The following ARMC9 variants were observed in gnomAD, a reference collection of about 807,000 sequenced individuals.
ARMC9 encodes the protein armadillo repeat containing 9, also known as lisH domain-containing protein ARMC9.
In ARMC9, 94 loss-of-function variants were observed where a neutral mutation model predicts 107.0. The observed-to-expected ratio is 0.88, with a 90% CI of 0.74 to 1.04. The LOEUF is 1.04. Ranked by LOEUF, ARMC9 falls within the 50% of genes least tolerant of loss-of-function variation. The probability of loss-of-function intolerance (pLI) is 0.00; values close to 1 mark genes in which losing one functional copy is unlikely to be tolerated. For synonymous variants in ARMC9, 380 were observed against 396.9 expected (o/e 0.96, Z 0.51); for missense variants, 942 against 1,030.1 (o/e 0.91, Z 1.17).
chr2:231,293,079 G>T (rs1361677763), intron 18 of ARMC9, among the ~76,000 whole-genome samples: 1 of 152,160 alleles, frequency 6.6e-6, no homozygotes, highest in Non-Finnish European at 1.5e-5. Context: ...CAGCCAGGGA[G>T]CTTTGAAACC....
chr2:231,228,918 TCTG>T (rs1338922236), intron 7 of ARMC9, among the ~76,000 whole-genome samples: 5 of 152,132 alleles, frequency 3.3e-5, no homozygotes, highest in African/African-American at 1.2e-4. Context: ...ATAGCTTTCT[TCTG>T]GGAGCATTAT....
intron 9 of ARMC9, among the ~76,000 whole-genome samples, chr2:231,249,678 C>T (rs545792106): frequency 2.0e-5 from 3 of 152,276 alleles, no homozygotes; most frequent in East Asian, 1.9e-4. Flanking sequence ...GAGCCTGGCA[C>T]GGGGCAAGTG....
At chr2:231,305,499 T>G (rs1231105659) in intron 19 of ARMC9, among the ~76,000 whole-genome samples, 1 of 152,262 alleles carries the variant, frequency 6.6e-6, no homozygotes, top group East Asian at 1.9e-4. Flanking sequence ...GGCGTAGTTC[T>G]GCAGATGAGA....
At chr2:231,236,919 G>A (rs572647962) in intron 8 of ARMC9, among the ~76,000 whole-genome samples, 1 of 152,188 alleles carries the variant, frequency 6.6e-6, no homozygotes, top group East Asian at 1.9e-4. Context: ...CTGGGCAACA[G>A]CGTGAAACTG....
At chr2:231,274,145 TCTCA>T (rs1359247912) in intron 14 of ARMC9, among the ~76,000 whole-genome samples, 5 of 152,050 alleles carry the variant, frequency 3.3e-5, no homozygotes, top group African/African-American at 1.2e-4. Context: ...TGAGATGGAG[TCTCA>T]CTCTGTCACC....
At chr2:231,202,886 G>A (rs1395946242) in intron 1 of ARMC9, among the ~76,000 whole-genome samples, 1 of 152,114 alleles carries the variant, frequency 6.6e-6, no homozygotes, top group Admixed American at 6.5e-5. Context: ...GGTGCACTAA[G>A]GGAAGCTAAA....
At chr2:231,272,648 TG>T (rs1235677759) in intron 13 of ARMC9, among the ~76,000 whole-genome samples, 2 of 152,004 alleles carry the variant, frequency 1.3e-5, no homozygotes, top group Middle Eastern at 3.2e-3. Context: ...CCCGAGTAGC[TG>T]GGATTACAGG....
At chr2:231,336,368 A>G (rs1205398290) in intron 20 of ARMC9, among the ~76,000 whole-genome samples, 2 of 152,070 alleles carry the variant, frequency 1.3e-5, no homozygotes, top group Non-Finnish European at 2.9e-5. Flanking sequence ...ATCTTCCACT[A>G]GTATCTGCAT....
intron 19 of ARMC9, among the ~76,000 whole-genome samples, chr2:231,309,284 T>TA (rs988356794): frequency 2.0e-5 from 3 of 152,190 alleles, no homozygotes; most frequent in African/African-American, 4.8e-5. Flanking sequence ...TAGGCATTTA[T>TA]AAACCCTATT....
intron 19 of ARMC9, among the ~76,000 whole-genome samples, chr2:231,313,524 A>G (rs150300366): frequency 5.3e-5 from 8 of 152,304 alleles, no homozygotes; most frequent in East Asian, 3.9e-4. Context: ...AAGTAAATGT[A>G]TAATTCCATG....
In ARMC9 at chr2:231,244,522, T is replaced by A. The variant is rs117342771; in HGVS notation, c.879+4481T>A. Among the ~76,000 whole-genome samples, 34 of 152,200 alleles carry A rather than the reference T, an allele frequency of 2.2e-4. No homozygotes were observed. In the East Asian group the frequency reaches 6.6e-3, roughly 29 times the overall value. On this transcript the variant is annotated intron_variant, in intron 9 of 24. Transcript: ENST00000611582. ...CTGGGACTATGGGCCTGCACCACCATGCCCAGCTAATTTTTATTTTTTATT... is the reference window on the plus strand; with the variant it reads ...CTGGGACTATGGGCCTGCACCACCAAGCCCAGCTAATTTTTATTTTTTATT...
At chr2:231,304,122 C>G (rs1456478004) in intron 19 of ARMC9, among the ~76,000 whole-genome samples, 1 of 150,838 alleles carries the variant, frequency 6.6e-6, no homozygotes, top group Non-Finnish European at 1.5e-5. Context: ...CCCAGCTACT[C>G]CGGAGACAAA....
chr2:231,269,372 C>G (rs1032785888), intron 12 of ARMC9, among the ~76,000 whole-genome samples: 5 of 147,582 alleles, frequency 3.4e-5, no homozygotes, highest in Admixed American at 2.7e-4. Context: ...TTTTGTTCCA[C>G]TCTTTAGGAG....
intron 19 of ARMC9, among the ~76,000 whole-genome samples, chr2:231,314,997 T>G (rs1559450065): frequency 6.6e-6 from 1 of 152,140 alleles, no homozygotes; most frequent in Non-Finnish European, 1.5e-5. Context: ...TCCCAGCACT[T>G]TGGGAGGCCG....
intron 18 of ARMC9, among the ~76,000 whole-genome samples, chr2:231,293,320 A>G (rs1474429978): frequency 6.6e-6 from 1 of 152,166 alleles, no homozygotes; most frequent in East Asian, 1.9e-4. Flanking sequence ...TGGGTAGGCC[A>G]CGGTGTGGGG....
At chr2:231,330,572 A>T (rs2043660906) in intron 19 of ARMC9, among the ~76,000 whole-genome samples, 1 of 152,028 alleles carries the variant, frequency 6.6e-6, no homozygotes, top group Non-Finnish European at 1.5e-5. Context: ...GGGCCTCCTT[A>T]CCACCCAGCA....
intron 9 of ARMC9, 127 bp from the exon 10 acceptor site, chr2:231,256,459 C>A (rs1380461266): frequency 1.0e-3 from 990 of 946,756 alleles, no homozygotes; most frequent in African/African-American, 1.3e-3. Context: ...AAAAAAAAAC[C>A]AAAAAAAAAA....
chr2:231,217,215 T>C (rs1475471085), intron 5 of ARMC9, among the ~76,000 whole-genome samples: 2 of 152,226 alleles, frequency 1.3e-5, no homozygotes, highest in African/African-American at 2.4e-5. Flanking sequence ...GAGGACATGC[T>C]ATGTGATTCC....
At chr2:231,240,063 A>G (rs758915836) in intron 9 of ARMC9, 22 bp downstream of exon 9, 7 of 1,594,784 alleles carry the variant, frequency 4.4e-6, no homozygotes, top group African/African-American at 4.0e-5. Context: ...CGCTCAGGGC[A>G]GGGTGCCCGT....
Sources: gnomAD v4.1 joint callset for allele counts (sites outside exome capture counted in the v4.1 genomes callset) on GRCh38, gnomAD v4.1.1 for gene constraint, MANE v1.5 for transcripts, NCBI Gene and HGNC (gene_info 2026-07-23, HGNC 2026-07-21) for gene names.